Variants in CACNA2D1 observed in about 807,000 individuals in gnomAD.
CACNA2D1 encodes calcium voltage-gated channel auxiliary subunit alpha2delta 1.
CACNA2D1 carries 53 observed loss-of-function variants against 171.5 expected under a neutral mutation model. That is an observed-to-expected ratio of 0.31 (90% CI 0.25 to 0.39). The LOEUF (loss-of-function observed/expected upper bound fraction) is 0.39. Ranked by LOEUF, CACNA2D1 falls within the 10% of genes least tolerant of loss-of-function variation. The pLI is 1.00. For missense variants in CACNA2D1, 903 were observed against 1,299.8 expected (o/e 0.69, Z 4.69); for synonymous variants, 442 against 443.1 (o/e 1.00, Z 0.03).
intron 10 of CACNA2D1, chr7:82,051,017 A>C (rs1805135460): frequency 4.5e-6 from 1 of 219,904 alleles, no homozygotes; most frequent in Non-Finnish European, 9.2e-6. Flanking sequence ...GCTTACTAAC[A>C]CTGTCCATGC....
At chr7:82,341,032 T>C (rs1818566204) in intron 2 of CACNA2D1, among the ~76,000 whole-genome samples, 2 of 152,200 alleles carry the variant, frequency 1.3e-5, no homozygotes, top group Admixed American at 1.3e-4. Context: ...TTAATTTTAG[T>C]TGAATTTTGC....
chr7:82,146,335 T>C (rs1408793601), intron 4 of CACNA2D1, among the ~76,000 whole-genome samples: 1 of 146,670 alleles, frequency 6.8e-6, no homozygotes, highest in African/African-American at 2.5e-5. Flanking sequence ...TGCGTGTGTG[T>C]GTGTGTAGAA....
chr7:82,419,036 A>T (rs957554846), intron 1 of CACNA2D1, among the ~76,000 whole-genome samples: 1 of 151,382 alleles, frequency 6.6e-6, no homozygotes, highest in Non-Finnish European at 1.5e-5. Flanking sequence ...CGTGAACCCG[A>T]GAGGCGGAGC....
At chr7:82,286,238 G>T (rs897131569) in intron 3 of CACNA2D1, among the ~76,000 whole-genome samples, 2 of 151,990 alleles carry the variant, frequency 1.3e-5, no homozygotes, top group African/African-American at 2.4e-5. Flanking sequence ...GGTCCCAAGC[G>T]ATTGAGAAAC....
intron 2 of CACNA2D1, among the ~76,000 whole-genome samples, chr7:82,340,745 A>G (rs1006863084): frequency 7.9e-5 from 12 of 152,184 alleles, no homozygotes; most frequent in African/African-American, 2.9e-4. Flanking sequence ...GTGAGGTTCT[A>G]AGAAGAAAGA....
At chr7:82,101,497 A>G (rs1468250209) in intron 6 of CACNA2D1, among the ~76,000 whole-genome samples, 3 of 152,200 alleles carry the variant, frequency 2.0e-5, no homozygotes, top group Non-Finnish European at 4.4e-5. Context: ...AAAATTTCCA[A>G]TATATTTTAA....
At chr7:82,103,157 A>C (rs1812891313) in intron 6 of CACNA2D1, among the ~76,000 whole-genome samples, 1 of 151,982 alleles carries the variant, frequency 6.6e-6, no homozygotes, top group South Asian at 2.1e-4. Flanking sequence ...AAAATACAAA[A>C]ATTAGCTGGG....
At chr7:82,056,511 G>C (rs529668348) in intron 10 of CACNA2D1, among the ~76,000 whole-genome samples, 1 of 152,216 alleles carries the variant, frequency 6.6e-6, no homozygotes, top group East Asian at 1.9e-4. Context: ...CAACTGTACT[G>C]CTTGCAAAAT....
At chr7:82,236,732 T>C (rs1289907624) in intron 3 of CACNA2D1, among the ~76,000 whole-genome samples, 1 of 152,040 alleles carries the variant, frequency 6.6e-6, no homozygotes, top group Non-Finnish European at 1.5e-5. Context: ...TAAAAGCCTA[T>C]AACTTGATAT....
chr7:82,317,407 A>G (rs372603931), intron 3 of CACNA2D1, among the ~76,000 whole-genome samples: 17 of 152,320 alleles, frequency 1.1e-4, no homozygotes, highest in African/African-American at 4.1e-4. Context: ...CTGCCTTGAC[A>G]GAGACTGCTT....
chr7:82,132,054 A>C (rs900407059), intron 5 of CACNA2D1, among the ~76,000 whole-genome samples: 11 of 152,226 alleles, frequency 7.2e-5, no homozygotes, highest in African/African-American at 2.7e-4. Flanking sequence ...TACAACATGT[A>C]TTTACAGTTC....
intron 2 of CACNA2D1, among the ~76,000 whole-genome samples, chr7:82,338,736 G>A (rs543397363): frequency 2.2e-4 from 34 of 152,262 alleles, no homozygotes; most frequent in Non-Finnish European, 4.4e-4. Flanking sequence ...GGCATATTTA[G>A]GCAAAGTGAA....
At chr7:82,431,761 C>A (rs1162605576) in intron 1 of CACNA2D1, among the ~76,000 whole-genome samples, 2 of 148,936 alleles carry the variant, frequency 1.3e-5, no homozygotes, top group African/African-American at 2.5e-5. Flanking sequence ...AACATGAGGC[C>A]AGGCGCAGTG....
At chr7:82,239,512 T>C (rs886416089) in intron 3 of CACNA2D1, among the ~76,000 whole-genome samples, 1 of 152,208 alleles carries the variant, frequency 6.6e-6, no homozygotes, top group Non-Finnish European at 1.5e-5. Context: ...AAAATAATTG[T>C]GCTATTTAAA....
At chr7:82,050,405 C>T (rs1805057232) in intron 10 of CACNA2D1, 4 of 572,100 alleles carry the variant, frequency 7.0e-6, no homozygotes, top group Admixed American at 6.0e-5. Context: ...TTTGCACAAG[C>T]TGCCCAAACC....
chr7:81,965,468 T>C, intron 32 of CACNA2D1, 126 bp downstream of exon 32: 1 of 714,938 alleles, frequency 1.4e-6, no homozygotes, highest in Non-Finnish European at 2.6e-6. Context: ...TTAAGCATTT[T>C]ACAAATTATT....
chr7:82,215,055 C>T (rs1800959994), intron 3 of CACNA2D1, among the ~76,000 whole-genome samples: 1 of 152,150 alleles, frequency 6.6e-6, no homozygotes, highest in South Asian at 2.1e-4. Context: ...ATTGACCCTC[C>T]TGGTCTTAAA....
chr7:81,980,902 T>C (rs993715781), intron 24 of CACNA2D1, among the ~76,000 whole-genome samples: 2 of 152,126 alleles, frequency 1.3e-5, no homozygotes, highest in East Asian at 1.9e-4. Flanking sequence ...TGAGGCAACA[T>C]AGGTAGAACT....
intron 4 of CACNA2D1, among the ~76,000 whole-genome samples, chr7:82,166,381 C>T (rs973431418): frequency 6.6e-6 from 1 of 152,012 alleles, no homozygotes; most frequent in Admixed American, 6.6e-5. Context: ...GACGTCTGTA[C>T]TCTGCCTGCA....
Sources: allele counts gnomAD v4.1 joint callset (sites outside exome capture counted in the v4.1 genomes callset), GRCh38; gene constraint gnomAD v4.1.1; transcripts MANE v1.5; gene names NCBI Gene and HGNC (gene_info 2026-07-23, HGNC 2026-07-21).